FHIT: variants seen among roughly 807,000 people sequenced by gnomAD.
FHIT encodes the protein bis(5'-adenosyl)-triphosphatase.
In FHIT, 19 loss-of-function variants were observed where a neutral mutation model predicts 17.9. The observed-to-expected ratio is 1.06, with a 90% CI of 0.74 to 1.56. The LOEUF is 1.56. Ranked by LOEUF, FHIT falls within the 40% of genes most tolerant of loss-of-function variation. FHIT has a pLI of 0.00. For synonymous variants in FHIT, 81 were observed against 69.7 expected, an observed-to-expected ratio of 1.16 and a Z score of -0.81; for missense variants, 248 against 189.2, an observed-to-expected ratio of 1.31 and a Z score of -1.82.
chr3:60,450,682 T>G (rs916015526), intron 5 of FHIT, among the ~76,000 whole-genome samples: 1 of 152,038 alleles, frequency 6.6e-6, no homozygotes, highest in African/African-American at 2.4e-5. Context: ...GTGGGGAATT[T>G]GGGGATGAAA....
At chr3:60,471,693 T>C (rs545747428) in intron 5 of FHIT, among the ~76,000 whole-genome samples, 2 of 152,188 alleles carry the variant, frequency 1.3e-5, no homozygotes, top group South Asian at 4.1e-4. Context: ...CCACCTGGTC[T>C]TTTGTTCTTA....
At chr3:60,135,493 C>T (rs9881474) in intron 5 of FHIT, among the ~76,000 whole-genome samples, 24,092 of 152,066 alleles carry the variant, frequency 0.16, 3,179 homozygotes, top group African/African-American at 0.36. Flanking sequence ...TTTACTTGAA[C>T]AGCTGCAACC....
intron 4 of FHIT, among the ~76,000 whole-genome samples, chr3:60,634,709 A>G (rs556411813): frequency 1.3e-5 from 2 of 152,304 alleles, no homozygotes; most frequent in Admixed American, 6.5e-5. Context: ...GAGAAAGAGG[A>G]GAAGAAGTTT....
chr3:61,131,990 T>C (rs1190524153), intron 2 of FHIT, among the ~76,000 whole-genome samples: 1 of 152,196 alleles, frequency 6.6e-6, no homozygotes, highest in Non-Finnish European at 1.5e-5. Flanking sequence ...CTGGGTTTCA[T>C]TGTAAGAAAT....
At chr3:59,913,285 G>C (rs1285451708) in intron 8 of FHIT, among the ~76,000 whole-genome samples, 3 of 152,122 alleles carry the variant, frequency 2.0e-5, no homozygotes, top group African/African-American at 4.8e-5. Flanking sequence ...GGAAGTCCCA[G>C]TGTCTAAGAA....
chr3:60,047,540 T>C (rs766057720), intron 5 of FHIT, among the ~76,000 whole-genome samples: 2 of 152,262 alleles, frequency 1.3e-5, no homozygotes, highest in Non-Finnish European at 2.9e-5. Flanking sequence ...TCTTTGTTTA[T>C]GATTCTTAAG....
At chr3:60,134,501 G>T (rs934493014) in intron 5 of FHIT, among the ~76,000 whole-genome samples, 1 of 152,128 alleles carries the variant, frequency 6.6e-6, no homozygotes, top group Non-Finnish European at 1.5e-5. Context: ...AAACTTCATA[G>T]GTTTATACCT....
chr3:61,011,272 C>T (rs1392268874), intron 3 of FHIT, among the ~76,000 whole-genome samples: 2 of 152,050 alleles, frequency 1.3e-5, no homozygotes, highest in Non-Finnish European at 2.9e-5. Flanking sequence ...ATTGTAGAAA[C>T]GTAGGTGCAA....
chr3:59,922,430 A>T lies in FHIT; in HGVS notation c.280-16T>A, dbSNP rs937003849. The T allele has an allele frequency of 3.1e-6, 5 of 1,608,344 alleles. No individual in the cohort carries two copies. In the African/African-American group the frequency reaches 5.3e-5, roughly 17 times the overall value. On this transcript the variant is annotated splice_polypyrimidine_tract_variant and intron_variant, in intron 7 of 9. Transcript: ENST00000492590. ...CGTGAACGTGCTGAAAATGTACAAG[A>T]AAGAAAAAAAATGTGATTATCTCCC...
At chr3:60,317,788 CTTT>C (rs10713144) in intron 5 of FHIT, among the ~76,000 whole-genome samples, 7 of 138,526 alleles carry the variant, frequency 5.1e-5, no homozygotes, top group Admixed American at 1.4e-4. Context: ...AGTTTTTCTT[CTTT>C]TTTTTTTTTT....
intron 4 of FHIT, among the ~76,000 whole-genome samples, chr3:60,612,789 C>A (rs577311057): frequency 6.6e-6 from 1 of 152,274 alleles, no homozygotes; most frequent in East Asian, 1.9e-4. Flanking sequence ...CACAGACCAC[C>A]ACTCCCATCT....
intron 5 of FHIT, among the ~76,000 whole-genome samples, chr3:60,238,932 GAAAATT>G (rs1704962573): frequency 6.6e-6 from 1 of 152,126 alleles, no homozygotes; most frequent in South Asian, 2.1e-4. Flanking sequence ...ATCCTGCAAA[GAAAATT>G]AAAATCATTT....
chr3:60,986,232 G>C (rs931889421), intron 3 of FHIT, among the ~76,000 whole-genome samples: 2 of 152,152 alleles, frequency 1.3e-5, no homozygotes, highest in South Asian at 2.1e-4. Flanking sequence ...TGCTGATCCT[G>C]ATAGTCCAGG....
intron 6 of FHIT, among the ~76,000 whole-genome samples, chr3:60,012,308 G>A (rs1293722010): frequency 8.9e-6 from 1 of 112,312 alleles, no homozygotes; most frequent in Non-Finnish European, 1.7e-5. Context: ...TTACTCAGTT[G>A]TCCAGGCCAG....
chr3:60,761,812 G>A (rs151252110), intron 4 of FHIT, among the ~76,000 whole-genome samples: 39 of 151,756 alleles, frequency 2.6e-4, no homozygotes, highest in African/African-American at 4.6e-4. Context: ...CCAGCTATCC[G>A]AACATTTACC....
At chr3:60,910,604 G>A (rs901426524) in intron 3 of FHIT, among the ~76,000 whole-genome samples, 19 of 151,968 alleles carry the variant, frequency 1.3e-4, no homozygotes, top group African/African-American at 4.6e-4. Flanking sequence ...AGCAGAGACG[G>A]GGTTTCACCG....
chr3:60,406,806 G>A (rs1219119306), intron 5 of FHIT, among the ~76,000 whole-genome samples: 9 of 152,070 alleles, frequency 5.9e-5, no homozygotes, highest in Admixed American at 3.9e-4. Flanking sequence ...GTTTAGTTCA[G>A]ATGTGTCGTA....
intron 8 of FHIT, among the ~76,000 whole-genome samples, chr3:59,798,068 A>G (rs1699850628): frequency 6.6e-6 from 1 of 152,130 alleles, no homozygotes. Flanking sequence ...CTTCAACACC[A>G]TGGCTCCATT....
chr3:60,120,241 C>T (rs1387706940), intron 5 of FHIT, among the ~76,000 whole-genome samples: 1 of 152,180 alleles, frequency 6.6e-6, no homozygotes, highest in African/African-American at 2.4e-5. Flanking sequence ...TCTCTGGCAG[C>T]AGAAACTGGG....
Sources: allele counts gnomAD v4.1 joint callset (sites outside exome capture counted in the v4.1 genomes callset), GRCh38; gene constraint gnomAD v4.1.1; transcripts MANE v1.5; gene names NCBI Gene and HGNC (gene_info 2026-07-23, HGNC 2026-07-21).